Variants in AFAP1L1 observed in about 807,000 individuals in gnomAD.
AFAP1L1 encodes actin filament associated protein 1 like 1.
In AFAP1L1, 77 loss-of-function variants were observed where a neutral mutation model predicts 99.8. The ratio of observed to expected loss-of-function variants is 0.77; its 90% CI spans 0.64 to 0.93. The LOEUF is 0.93. Among genes scored for constraint, AFAP1L1 ranks in the 40% least tolerant of loss-of-function variants. AFAP1L1 has a pLI of 0.00. For missense variants in AFAP1L1, 893 were observed against 996.8 expected, an observed-to-expected ratio of 0.90 and a Z score of 1.40; for synonymous variants, 373 against 395.3, an observed-to-expected ratio of 0.94 and a Z score of 0.67.
chr5:149,305,990 G>C (rs1407369751), intron 5 of AFAP1L1, among the ~76,000 whole-genome samples: 1 of 151,982 alleles, frequency 6.6e-6, no homozygotes, highest in Non-Finnish European at 1.5e-5. Flanking sequence ...GAAAGTCAGA[G>C]GAAAGATCTT....
chr5:149,281,775 G>A (rs1400085868), intron 1 of AFAP1L1, among the ~76,000 whole-genome samples: 1 of 152,140 alleles, frequency 6.6e-6, no homozygotes, highest in Non-Finnish European at 1.5e-5. Flanking sequence ...CTCCAGGTTA[G>A]ATATACGAGG....
At chr5:149,292,817 G>A (rs973232846) in intron 1 of AFAP1L1, among the ~76,000 whole-genome samples, 5 of 152,202 alleles carry the variant, frequency 3.3e-5, no homozygotes, top group African/African-American at 1.2e-4. Context: ...CAAGAGCAAA[G>A]ACAGGAGATG....
In AFAP1L1 at chr5:149,301,430, ATTTATT is replaced by A. The variant is rs535420320; in HGVS notation, c.327+213_327+218del. On this transcript the variant is annotated intron_variant, in intron 4 of 18. Transcript: ENST00000296721. ...GTGCTCGCTGTGTGTTTTTTTTCTT[ATTTATT>A]TTTATTTTTATTCTTTATTTTGCCA... Among the ~76,000 whole-genome samples the A allele has an allele frequency of 1.1e-4, 16 of 151,418 alleles. No homozygotes were observed. In the East Asian group the frequency reaches 2.9e-3, roughly 28 times the overall value.
At chr5:149,332,987 A>C in intron 17 of AFAP1L1, 114 bp downstream of exon 17, 1 of 1,341,858 alleles carries the variant, frequency 7.5e-7, no homozygotes, top group Non-Finnish European at 9.8e-7. Context: ...ACTTACAGAC[A>C]AGAAAACTGA....
rs369572700 is a variant in AFAP1L1, at chr5:149,299,640, T to C, written c.145+3T>C. ...GCAGAGCCTGCAGCCCCTTCCAGGTTAGCCGCCAGCAGCCTGCCTGGAGGA... is the reference window on the plus strand; with the variant it reads ...GCAGAGCCTGCAGCCCCTTCCAGGTCAGCCGCCAGCAGCCTGCCTGGAGGA... On this transcript the variant is annotated splice_donor_region_variant and intron_variant, in intron 2 of 18. Coordinates refer to ENST00000296721, the MANE Select transcript of AFAP1L1 (RefSeq NM_152406.4). 44 of 1,614,056 alleles carry C rather than the reference T, an allele frequency of 2.7e-5. 1 individual carries two copies. The highest frequency in any genetic ancestry group is 2.4e-4 in the African/African-American group (18 of 75,026).
intron 1 of AFAP1L1, among the ~76,000 whole-genome samples, chr5:149,282,421 G>T (rs1422327600): frequency 6.6e-6 from 1 of 152,186 alleles, no homozygotes; most frequent in Admixed American, 6.5e-5. Context: ...GTGTAGTGTG[G>T]TGGAAGCAAT....
chr5:149,281,815 TAA>T (rs1755526973), intron 1 of AFAP1L1, among the ~76,000 whole-genome samples: 1 of 152,076 alleles, frequency 6.6e-6, no homozygotes, highest in Non-Finnish European at 1.5e-5. Flanking sequence ...GCTGACTAGG[TAA>T]AGATTTCTAA....
In AFAP1L1 at chr5:149,317,835, G is replaced by A; in HGVS notation, c.1374G>A (p.Val458=). Residue 458 remains valine (V), a synonymous_variant, in exon 12 of 19, where the codon GTG becomes GTA. Coordinates refer to ENST00000296721, the MANE Select transcript of AFAP1L1 (RefSeq NM_152406.4). The stretch of plus-strand genomic sequence containing the variant: ...ATCACATGGACCTGCGAACCCATGT[G>A]AACGCCATCGCCCTGCAAGGCTGTG... ...HKDHMDLRTH[V]NAIALQGCEV... The A allele has an allele frequency of 1.2e-6, 2 of 1,611,554 alleles. No homozygotes were observed. Among genetic ancestry groups the A allele is most frequent in the East Asian group, 2.2e-5 (1 of 44,774 alleles).
chr5:149,282,757 T>A (rs1221935056), intron 1 of AFAP1L1, among the ~76,000 whole-genome samples: 1 of 152,156 alleles, frequency 6.6e-6, no homozygotes, highest in Non-Finnish European at 1.5e-5. Flanking sequence ...TGTAGAGAGA[T>A]TGGGAGTGTC....
At chr5:149,287,627 A>T (rs1755723413) in intron 1 of AFAP1L1, among the ~76,000 whole-genome samples, 1 of 152,134 alleles carries the variant, frequency 6.6e-6, no homozygotes, top group Non-Finnish European at 1.5e-5. Flanking sequence ...ACTGTCGCCC[A>T]GGCTGGAGTG....
At chr5:149,298,195 G>C (rs1756076007) in intron 1 of AFAP1L1, among the ~76,000 whole-genome samples, 1 of 137,444 alleles carries the variant, frequency 7.3e-6, no homozygotes, top group South Asian at 2.2e-4. Context: ...GCCCAGGGTG[G>C]GGAACAGCAC....
rs375687008 is a variant in AFAP1L1 at position 149,300,352 on chromosome 5, T to A, written c.227T>A (p.Phe76Tyr). 6.2e-7 allele frequency: 1 copy of A among 1,612,558 alleles called. No homozygotes were observed. The highest frequency in any genetic ancestry group is 1.3e-5 in the African/African-American group (1 of 75,004). ...PSFVESLFEE[F>Y]DCDLSDLRDM... ...TTCGTGGAATCCCTCTTTGAAGAAT[T>A]TGGTAAGTGACCCTCTCCCAACCTC... The change falls in exon 3 of 19, where the codon TTT becomes TAT. Residue 76 changes from phenylalanine (F) to tyrosine (Y), a missense_variant and splice_region_variant. Transcript: ENST00000296721.
chr5:149,332,428 G>C (rs1242775693), intron 16 of AFAP1L1, among the ~76,000 whole-genome samples: 1 of 152,052 alleles, frequency 6.6e-6, no homozygotes. Context: ...GGGGGAAGGT[G>C]GTTTCCCAAC....
chr5:149,326,874 G>A (rs1049661540), intron 15 of AFAP1L1, among the ~76,000 whole-genome samples: 3 of 152,156 alleles, frequency 2.0e-5, no homozygotes, highest in Non-Finnish European at 2.9e-5. Flanking sequence ...TGGCCTCTGA[G>A]GAGCAACATC....
At chr5:149,312,654 T>C (rs1756670529) in intron 9 of AFAP1L1, among the ~76,000 whole-genome samples, 1 of 152,146 alleles carries the variant, frequency 6.6e-6, no homozygotes, top group Admixed American at 6.5e-5. Context: ...CCAGGTGTGG[T>C]GGCACATGCC....
Position 149,332,753 on chromosome 5 carries a change from A to T in AFAP1L1, c.2034A>T (p.Ala678=). The change falls in exon 17 of 19, where the codon GCA becomes GCT. Residue 678 remains alanine, a synonymous_variant. Transcript: ENST00000296721. ...CCACCCTGGAAGCTCAGTGTCGGGC[A>T]AAGGAGGAGCGCCGGATTGACCTGG... is the stretch of plus-strand genomic sequence containing the variant. The part of the protein sequence containing the change: ...AVATLEAQCR[A]KEERRIDLEL... 6 of 1,613,910 alleles carry T rather than the reference A, an allele frequency of 3.7e-6. No homozygotes were observed. The highest frequency in any genetic ancestry group is 5.1e-6 in the Non-Finnish European group (6 of 1,180,024).
Position 149,320,545 on chromosome 5 carries a change from C to A in AFAP1L1, c.1698+82C>A. On this transcript the variant is annotated intron_variant, in intron 14 of 18. Transcript: ENST00000296721. This position sits in a 1 kb window ranked among gnomAD's most constrained non-coding sequence, Gnocchi z 4.0. ...TCTTTCTGCTCCCTTTACCTTCTGC[C>A]TCAGAAAGATCATTTTCATTTAAGC... 7.8e-7 allele frequency: 1 copy of A among 1,284,410 alleles called. No homozygotes were observed. Among genetic ancestry groups the A allele is most frequent in the Non-Finnish European group, 1.1e-6 (1 of 891,156 alleles). The allele number at this position is 1,284,410 out of a possible 1,614,324, so 79.6% of individuals were successfully genotyped here. A position where few individuals can be genotyped will look rare whatever the true frequency, so the allele number is the denominator to read the frequency against.
At position 149,319,727 on chromosome 5, in the gene AFAP1L1, TGTAA is replaced by T. The variant is rs779168271; in HGVS notation, c.1625+3_1625+6del. 5 of 1,611,666 alleles carry T rather than the reference TGTAA, an allele frequency of 3.1e-6. No individual in the cohort carries two copies. In the African/African-American group the frequency reaches 4.0e-5, roughly 13 times the overall value. Reference sequence around the variant, plus strand: ...GTCAGTGCTGGGCGCAACTCCTTCCTGTAAGTGTCAGCTGCACTGGCCACACCTG... The same window carrying T: ...GTCAGTGCTGGGCGCAACTCCTTCCTGTGTCAGCTGCACTGGCCACACCTG... On this transcript the variant is annotated splice_donor_variant and splice_donor_region_variant and intron_variant, in intron 13 of 18. Transcript: ENST00000296721. LOFTEE classifies it high-confidence loss of function.
chr5:149,307,492 C>G lies in AFAP1L1; in HGVS notation c.626C>G (p.Pro209Arg). The G allele has an allele frequency of 6.2e-7, 1 of 1,614,106 alleles. No homozygotes were observed. Among genetic ancestry groups the G allele is most frequent in the Non-Finnish European group, 8.5e-7 (1 of 1,180,012 alleles). Residue 209 changes from proline (P) to arginine (R), a missense_variant, in exon 7 of 19, where the codon CCC becomes CGC. By Grantham distance (103) the Pro-to-Arg change is moderately radical. Coordinates refer to ENST00000296721, the MANE Select transcript of AFAP1L1 (RefSeq NM_152406.4). ...GKSPQPRHQW[P>R]SEEASMHLVR... ...AGCCCGCAGCCCCGACACCAGTGGC[C>G]CTCAGAGGAGGCCTCCATGCACCTG...
Sources: allele counts gnomAD v4.1 joint callset (sites outside exome capture counted in the v4.1 genomes callset), GRCh38; gene constraint gnomAD v4.1.1; non-coding constraint Gnocchi (gnomAD v3.1); transcripts MANE v1.5; gene names NCBI Gene and HGNC (gene_info 2026-07-23, HGNC 2026-07-21).